FABP7: variants seen among roughly 807,000 people sequenced by gnomAD.
The protein encoded by FABP7 is fatty acid-binding protein, brain.
Under a neutral mutation model 14.2 loss-of-function variants are expected in FABP7, and 13 were observed. The observed-to-expected ratio is 0.91, with a 90% confidence interval of 0.59 to 1.45. The LOEUF (loss-of-function observed/expected upper bound fraction) is 1.45. Ranked by LOEUF, FABP7 falls within the 40% of genes most tolerant of loss-of-function variation. The pLI, the probability that FABP7 is intolerant of heterozygous loss-of-function variation, is 0.00. For missense variants in FABP7, 149 were observed against 157.6 expected (o/e 0.95, Z 0.29); for synonymous variants, 49 against 51.4 (o/e 0.95, Z 0.20).
chr6:122,760,075 T>C, the FABP7 span, among the ~76,000 whole-genome samples: 1 of 151,408 alleles, frequency 6.6e-6, no homozygotes, highest in Non-Finnish European at 1.5e-5. Flanking sequence ...CACTCCAGTC[T>C]GGGCGACAGA....
At chr6:122,758,102 T>A in the FABP7 span, among the ~76,000 whole-genome samples, 1 of 130,666 alleles carries the variant, frequency 7.7e-6, no homozygotes, top group Admixed American at 9.2e-5. Flanking sequence ...TTATATTATC[T>A]AGCTTTTTTT....
upstream of FABP7, among the ~76,000 whole-genome samples, chr6:122,777,673 C>T (rs1192309451): frequency 6.6e-6 from 1 of 151,948 alleles, no homozygotes; most frequent in Non-Finnish European, 1.5e-5. Context: ...CATGGCAAGA[C>T]CTTGACTCTA....
the FABP7 span, among the ~76,000 whole-genome samples, chr6:122,773,898 A>C: frequency 6.6e-6 from 1 of 152,118 alleles, no homozygotes; most frequent in Non-Finnish European, 1.5e-5. Context: ...AAAAAAACAA[A>C]CAAACAGGTC....
At chr6:122,764,484 A>C in the FABP7 span, among the ~76,000 whole-genome samples, 2 of 152,112 alleles carry the variant, frequency 1.3e-5, no homozygotes. Flanking sequence ...ACATGTATAC[A>C]TATGTAACAA....
chr6:122,773,830 T>C, the FABP7 span, among the ~76,000 whole-genome samples: 2 of 152,176 alleles, frequency 1.3e-5, no homozygotes, highest in African/African-American at 4.8e-5. Context: ...CATGTGAAGA[T>C]TCTGCCAGGA....
At chr6:122,782,260 A>C (rs983471467) in intron 3 of FABP7, 1 of 881,562 alleles carries the variant, frequency 1.1e-6, no homozygotes, top group African/African-American at 1.8e-5. Context: ...TTGGTGGCTT[A>C]AAACAACAGA....
the FABP7 span, among the ~76,000 whole-genome samples, chr6:122,755,438 A>G: frequency 3.2e-3 from 479 of 148,266 alleles, 14 homozygotes; most frequent in East Asian, 0.076. Flanking sequence ...AACATTTTCT[A>G]CTCCTCCCAA....
the FABP7 span, among the ~76,000 whole-genome samples, chr6:122,760,985 T>C: frequency 2.0e-5 from 3 of 152,198 alleles, no homozygotes; most frequent in Non-Finnish European, 4.4e-5. Context: ...TTTATGAGAC[T>C]TCCAGGTTAA....
chr6:122,764,287 G>T, the FABP7 span, among the ~76,000 whole-genome samples: 1 of 151,884 alleles, frequency 6.6e-6, no homozygotes, highest in Non-Finnish European at 1.5e-5. Context: ...TTATTGCAAG[G>T]ACAGAAAACC....
the FABP7 span, among the ~76,000 whole-genome samples, chr6:122,755,373 ATATAT>A: frequency 1.3e-5 from 2 of 151,610 alleles, no homozygotes; most frequent in Admixed American, 6.6e-5. Flanking sequence ...ATATTATAAA[ATATAT>A]TATAAAGTGT....
the FABP7 span, among the ~76,000 whole-genome samples, chr6:122,773,649 ATACTTTGT>A: frequency 1.3e-5 from 2 of 152,210 alleles, no homozygotes; most frequent in African/African-American, 4.8e-5. Flanking sequence ...CAAGCAGCAA[ATACTTTGT>A]TATTTAATTT....
chr6:122,773,743 T>C, the FABP7 span, among the ~76,000 whole-genome samples: 1 of 152,210 alleles, frequency 6.6e-6, no homozygotes, highest in Non-Finnish European at 1.5e-5. Flanking sequence ...CTCAAAACAA[T>C]GTTAAAACTT....
chr6:122,756,915 T>G, the FABP7 span, among the ~76,000 whole-genome samples: 1 of 152,216 alleles, frequency 6.6e-6, no homozygotes, highest in Admixed American at 6.5e-5. Context: ...CTCAGTTTCC[T>G]TGTCTGGATC....
chr6:122,756,111 A>G, the FABP7 span, among the ~76,000 whole-genome samples: 1 of 152,138 alleles, frequency 6.6e-6, no homozygotes, highest in African/African-American at 2.4e-5. Context: ...GAGAGAGCAG[A>G]TGATTACAGG....
upstream of FABP7, among the ~76,000 whole-genome samples, chr6:122,775,483 C>T (rs924463696): frequency 2.6e-5 from 4 of 152,074 alleles, no homozygotes; most frequent in Middle Eastern, 3.2e-3. Flanking sequence ...AACTAGACCC[C>T]TATCTCTCAC....
the FABP7 span, among the ~76,000 whole-genome samples, chr6:122,752,411 C>A: frequency 0.056 from 8,561 of 152,222 alleles, 322 homozygotes; most frequent in East Asian, 0.21. Flanking sequence ...AGGGTTAAAC[C>A]TAAATAGTGG....
chr6:122,762,480 C>T, the FABP7 span, among the ~76,000 whole-genome samples: 49 of 152,288 alleles, frequency 3.2e-4, no homozygotes, highest in Non-Finnish European at 6.3e-4. Flanking sequence ...AAAACTGGCA[C>T]AAGACAGGGA....
chr6:122,766,851 G>T, the FABP7 span, among the ~76,000 whole-genome samples: 1 of 151,922 alleles, frequency 6.6e-6, no homozygotes, highest in Non-Finnish European at 1.5e-5. Context: ...TTAATTGCAC[G>T]TTTTATGATC....
the FABP7 span, among the ~76,000 whole-genome samples, chr6:122,756,072 TC>T: frequency 4.0e-5 from 6 of 151,836 alleles, no homozygotes; most frequent in Non-Finnish European, 5.9e-5. Flanking sequence ...AGTTCTGCGC[TC>T]CCCCCTTTCC....
Sources: allele counts gnomAD v4.1 joint callset (sites outside exome capture counted in the v4.1 genomes callset), GRCh38; gene constraint gnomAD v4.1.1; transcripts MANE v1.5; gene names NCBI Gene and HGNC (gene_info 2026-07-23, HGNC 2026-07-21).